UNC13B: variants seen among roughly 807,000 people sequenced by gnomAD.
The protein encoded by UNC13B is unc-13 homolog B.
Under a neutral mutation model 211.0 loss-of-function variants are expected in UNC13B, and 144 were observed. The observed-to-expected ratio is 0.68, with a 90% CI of 0.60 to 0.78. The LOEUF (loss-of-function observed/expected upper bound fraction) is 0.78. Ranked by LOEUF, UNC13B falls within the 30% of genes least tolerant of loss-of-function variation. UNC13B has a pLI of 0.00. For synonymous variants in UNC13B, 709 were observed against 725.8 expected (o/e 0.98, Z 0.37); for missense variants, 1,777 against 2,002.0 (o/e 0.89, Z 2.14).
At chr9:35,253,313 T>A (rs1281496908) in intron 6 of UNC13B, among the ~76,000 whole-genome samples, 1 of 152,180 alleles carries the variant, frequency 6.6e-6, no homozygotes, top group Non-Finnish European at 1.5e-5. Context: ...AGCTAGTTTT[T>A]AATTTTTTTG....
At chr9:35,392,465 G>A (rs7851900) in intron 26 of UNC13B, among the ~76,000 whole-genome samples, 4,010 of 152,192 alleles carry the variant, frequency 0.026, 183 homozygotes, top group African/African-American at 0.089. Flanking sequence ...ACAGGACTTC[G>A]TGATTGTCAG....
At chr9:35,352,665 A>G in intron 11 of UNC13B, 1 of 1,232,134 alleles carries the variant, frequency 8.1e-7, no homozygotes, top group South Asian at 4.1e-5. Context: ...CTACTCAAGA[A>G]CAATTTATCA....
At chr9:35,276,635 C>T (rs952515868) in intron 7 of UNC13B, among the ~76,000 whole-genome samples, 4 of 151,988 alleles carry the variant, frequency 2.6e-5, no homozygotes, top group East Asian at 1.9e-4. Flanking sequence ...AATAGAAATA[C>T]GTAACATGGG....
intron 1 of UNC13B, among the ~76,000 whole-genome samples, chr9:35,184,199 G>A (rs1822196778): frequency 6.7e-6 from 1 of 148,964 alleles, no homozygotes; most frequent in Admixed American, 6.7e-5. Context: ...CAGGGCGGCC[G>A]GGCAGAGGCG....
intron 20 of UNC13B, 42 bp from the exon 21 acceptor site, chr9:35,382,315 G>C (rs1156740152): frequency 1.3e-6 from 2 of 1,582,814 alleles, no homozygotes; most frequent in Non-Finnish European, 1.7e-6. Context: ...TTTGCTGCAA[G>C]CCCTGAAGAG....
Position 35,295,729 on chromosome 9 carries a change from G to A in UNC13B, c.560G>A (p.Arg187Gln), listed in dbSNP as rs750849094. Reference sequence around the variant, plus strand: ...GACCCTGATAGTGCCGTCGATGACCGAGATAGTGACTATCGCAGTGAGACC... The same window carrying A: ...GACCCTGATAGTGCCGTCGATGACCAAGATAGTGACTATCGCAGTGAGACC... ...FEDPDSAVDD[R>Q]DSDYRSETSN... The change falls in exon 8 of 40, where the codon CGA becomes CAA. Residue 187 changes from arginine to glutamine, a missense_variant. Arg to Gln is a conservative substitution (Grantham distance 43). Coordinates refer to ENST00000635942, the MANE Select transcript of UNC13B (RefSeq NM_001371189.2). 28 of 1,613,976 alleles carry A rather than the reference G, an allele frequency of 1.7e-5. No individual in the cohort carries two copies. The highest frequency in any genetic ancestry group is 6.7e-5 in the African/African-American group (5 of 74,870).
chr9:35,261,464 A>T lies in UNC13B; in HGVS notation c.526+2414A>T, dbSNP rs189343562. Among the ~76,000 whole-genome samples, 5 of 152,158 alleles carry T rather than the reference A, an allele frequency of 3.3e-5. No individual in the cohort carries two copies. In the East Asian group the frequency reaches 7.7e-4, roughly 23 times the overall value. ...ATTTTGAAAGCTTTTTTTATATTTT[A>T]AAAAATTTTATTTATTTTTTAATTT... On this transcript the variant is annotated intron_variant, in intron 7 of 39. Coordinates refer to ENST00000635942, the MANE Select transcript of UNC13B (RefSeq NM_001371189.2).
Position 35,237,828 on chromosome 9 carries a change from T to C in UNC13B, c.394+2T>C, listed in dbSNP as rs1825597553. The C allele has an allele frequency of 2.5e-6, 4 of 1,599,100 alleles. No homozygotes were observed. In the African/African-American group the frequency reaches 4.1e-5, roughly 16 times the overall value. On this transcript the variant is annotated splice_donor_variant, in intron 5 of 39. Coordinates refer to ENST00000635942, the MANE Select transcript of UNC13B (RefSeq NM_001371189.2). LOFTEE classifies it high-confidence loss of function. ...ATACAAGATTTGAGTTGCCTTTTGG[T>C]GAGTAAAATTTTAAAACTATTTAAT...
intron 26 of UNC13B, among the ~76,000 whole-genome samples, chr9:35,394,682 G>A (rs1835762287): frequency 6.6e-6 from 1 of 152,190 alleles, no homozygotes; most frequent in African/African-American, 2.4e-5. Context: ...TTGAAATCAT[G>A]AGGTTGGAAG....
rs1829895150 is a variant in UNC13B at position 35,305,782 on chromosome 9, C to G, written c.6378C>G (p.Ser2126Arg). The change falls in exon 9 of 40, where the codon AGC (serine) becomes AGG (arginine). Residue 2126 changes from serine to arginine, a missense_variant. Transcript: ENST00000635942. Reference protein sequence around the residue: ...KSNEISFDTLSKRNSNEQDHF... With the variant: ...KSNEISFDTLRKRNSNEQDHF... ...ATGAAATATCCTTTGATACCCTGAGCAAGAGAAATTCAAATGAACAAGATC... is the reference window on the plus strand; with the variant it reads ...ATGAAATATCCTTTGATACCCTGAGGAAGAGAAATTCAAATGAACAAGATC... The G allele has an allele frequency of 2.5e-6, 1 of 398,864 alleles. No homozygotes were observed. Among genetic ancestry groups the G allele is most frequent in the African/African-American group, 2.1e-5 (1 of 48,620 alleles). 24.7% of individuals were successfully genotyped at this position (398,864 alleles called of 1,614,324 possible).
At chr9:35,208,054 C>T (rs1236801330) in intron 1 of UNC13B, among the ~76,000 whole-genome samples, 1 of 152,146 alleles carries the variant, frequency 6.6e-6, no homozygotes, top group African/African-American at 2.4e-5. Context: ...ACTTAAAATA[C>T]ATCTTGGATA....
chr9:35,341,628 A>G (rs1832001288), intron 11 of UNC13B, among the ~76,000 whole-genome samples: 1 of 152,156 alleles, frequency 6.6e-6, no homozygotes, highest in African/African-American at 2.4e-5. Flanking sequence ...GATAGGGGAA[A>G]AGAAAGCAGG....
At chr9:35,266,180 C>T (rs1827563612) in intron 7 of UNC13B, among the ~76,000 whole-genome samples, 1 of 152,158 alleles carries the variant, frequency 6.6e-6, no homozygotes, top group Non-Finnish European at 1.5e-5. Flanking sequence ...ACTTCAGTTT[C>T]TTGAAGTAAT....
chr9:35,198,956 G>A (rs973640323), intron 1 of UNC13B, among the ~76,000 whole-genome samples: 5 of 151,966 alleles, frequency 3.3e-5, no homozygotes, highest in Admixed American at 2.6e-4. Context: ...GGTGTGCTGC[G>A]CCCGTTAACT....
chr9:35,320,089 A>G (rs1172806417), intron 11 of UNC13B, among the ~76,000 whole-genome samples: 2 of 152,210 alleles, frequency 1.3e-5, no homozygotes, highest in Non-Finnish European at 2.9e-5. Flanking sequence ...TTATGGCTGC[A>G]TAGTATTCCA....
rs377310110 is a variant in UNC13B, at chr9:35,379,128, C to T, written c.10205+692C>T. On this transcript the variant is annotated intron_variant, in intron 17 of 39. Transcript: ENST00000635942. The stretch of plus-strand genomic sequence containing the variant: ...AAGCAGGCTGGCTATGTAGAGGCCT[C>T]CTTCTGTTGGCTCCTCAGAAGATTC... Among the ~76,000 whole-genome samples the T allele has an allele frequency of 6.4e-4, 97 of 151,962 alleles. 1 individual carries two copies. The South Asian group carries it at 0.016, about 24-fold the overall frequency.
intron 10 of UNC13B, among the ~76,000 whole-genome samples, chr9:35,311,844 T>C (rs569025968): frequency 5.3e-5 from 8 of 152,306 alleles, no homozygotes; most frequent in African/African-American, 1.7e-4. Context: ...AAGAAAAATT[T>C]AAAATGTATC....
At chr9:35,349,005 C>T (rs1832545864) in intron 11 of UNC13B, among the ~76,000 whole-genome samples, 1 of 152,044 alleles carries the variant, frequency 6.6e-6, no homozygotes, top group South Asian at 2.1e-4. Context: ...GCAACCTCTG[C>T]CTCCTGGGTT....
At chr9:35,351,320 A>G (rs1163079441) in intron 11 of UNC13B, 3 of 1,218,910 alleles carry the variant, frequency 2.5e-6, no homozygotes, top group Non-Finnish European at 3.1e-6. Flanking sequence ...GCCAGGATCC[A>G]GGGGCATGTG....
Sources: gnomAD v4.1 joint callset for allele counts (sites outside exome capture counted in the v4.1 genomes callset) on GRCh38, gnomAD v4.1.1 for gene constraint, MANE v1.5 for transcripts, NCBI Gene and HGNC (gene_info 2026-07-23, HGNC 2026-07-21) for gene names.